Variants in DLGAP2 observed in about 807,000 individuals in gnomAD.
DLGAP2 encodes the protein DLG associated protein 2, also known as disks large-associated protein 2.
A neutral mutation model predicts 100.3 loss-of-function variants in DLGAP2; 26 were observed. That is an observed-to-expected ratio of 0.26 (90% CI 0.19 to 0.36). The LOEUF (loss-of-function observed/expected upper bound fraction) is 0.36. DLGAP2 is among the 10% of genes least tolerant of loss of function. The probability of loss-of-function intolerance (pLI) is 1.00; values close to 1 mark genes in which losing one functional copy is unlikely to be tolerated. For synonymous variants in DLGAP2, 886 were observed against 630.1 expected, an observed-to-expected ratio of 1.41 and a Z score of -6.08; for missense variants, 1,858 against 1,453.2, an observed-to-expected ratio of 1.28 and a Z score of -4.53.
intron 2 of DLGAP2, among the ~76,000 whole-genome samples, chr8:1,173,787 C>T (rs576747794): frequency 6.6e-6 from 1 of 152,154 alleles, no homozygotes; most frequent in Non-Finnish European, 1.5e-5. Flanking sequence ...CGTCTGTCAC[C>T]CCTTTCTTTG....
intron 2 of DLGAP2, among the ~76,000 whole-genome samples, chr8:1,176,099 T>A (rs529044275): frequency 6.6e-6 from 1 of 152,156 alleles, no homozygotes; most frequent in South Asian, 2.1e-4. Context: ...ACAAAAGAGG[T>A]TTAACTGACT....
intron 2 of DLGAP2, among the ~76,000 whole-genome samples, chr8:1,126,660 G>A (rs996937425): frequency 5.9e-5 from 9 of 152,162 alleles, no homozygotes; most frequent in Non-Finnish European, 1.0e-4. Context: ...CGCTGTGGGC[G>A]GTGCTCTGCT....
intron 3 of DLGAP2, among the ~76,000 whole-genome samples, chr8:1,315,291 G>C (rs1295297879): frequency 7.7e-6 from 1 of 129,268 alleles, no homozygotes; most frequent in Non-Finnish European, 1.7e-5. Context: ...AATAGAGCCT[G>C]TGCGAGTGCA....
intron 3 of DLGAP2, among the ~76,000 whole-genome samples, chr8:1,426,466 T>G (rs751950752): frequency 2.3e-4 from 35 of 152,058 alleles, no homozygotes; most frequent in Non-Finnish European, 4.6e-4. Context: ...TTAGCAGAAT[T>G]CCAGAAGAAA....
intron 3 of DLGAP2, among the ~76,000 whole-genome samples, chr8:1,263,600 C>T (rs28485332): frequency 0.24 from 35,997 of 152,128 alleles, 4,939 homozygotes; most frequent in African/African-American, 0.37. Context: ...ACAAGTGACT[C>T]GAAACAATGC....
At chr8:1,012,923 T>C (rs778114591) in intron 2 of DLGAP2, among the ~76,000 whole-genome samples, 8 of 152,120 alleles carry the variant, frequency 5.3e-5, no homozygotes, top group Non-Finnish European at 1.0e-4. Flanking sequence ...TGCATCTGTG[T>C]GTTCCTGTTT....
chr8:1,031,220 G>C lies in DLGAP2; in HGVS notation c.73+123254G>C, dbSNP rs559576615. ...AGTGTCCTTTATGGAAGAATCCCAGGGTGGCAAGAGAGGAGGGCTCCCGTT... is the reference window on the plus strand; with the variant it reads ...AGTGTCCTTTATGGAAGAATCCCAGCGTGGCAAGAGAGGAGGGCTCCCGTT... On this transcript the variant is annotated intron_variant, in intron 2 of 14. Coordinates refer to ENST00000637795, the MANE Select transcript of DLGAP2 (RefSeq NM_001346810.2). 2.0e-5 allele frequency among the ~76,000 whole-genome samples: 3 copies of C among 152,090 alleles called. No homozygotes were observed. In the East Asian group the frequency reaches 5.8e-4, roughly 30 times the overall value.
At chr8:878,401 C>A (rs201078010) in intron 1 of DLGAP2, among the ~76,000 whole-genome samples, 1 of 152,278 alleles carries the variant, frequency 6.6e-6, no homozygotes, top group East Asian at 1.9e-4. Context: ...ATGCTTTGCT[C>A]TTCCTTGTGA....
intron 3 of DLGAP2, among the ~76,000 whole-genome samples, chr8:1,336,449 C>T (rs1801275663): frequency 6.6e-6 from 1 of 152,232 alleles, no homozygotes. Flanking sequence ...AGTCTGGGCT[C>T]TTTCCCTCGT....
In DLGAP2 at chr8:1,091,867, C is replaced by T. The variant is rs116807666; in HGVS notation, c.74-166984C>T. 2.6e-3 allele frequency among the ~76,000 whole-genome samples: 399 copies of T among 151,842 alleles called. 1 individual carries two copies. The highest frequency in any genetic ancestry group is 9.3e-3 in the African/African-American group (383 of 41,372). On this transcript the variant is annotated intron_variant, in intron 2 of 14. Coordinates refer to ENST00000637795, the MANE Select transcript of DLGAP2 (RefSeq NM_001346810.2). Reference sequence around the variant, plus strand: ...CCTGCCTTCCCCCTTTTCCCTCTTTCGCTCGTTCTGCTTTTCCTCTTCTCT... The same window carrying T: ...CCTGCCTTCCCCCTTTTCCCTCTTTTGCTCGTTCTGCTTTTCCTCTTCTCT...
At chr8:1,145,741 C>T (rs1796594463) in intron 2 of DLGAP2, among the ~76,000 whole-genome samples, 1 of 148,178 alleles carries the variant, frequency 6.7e-6, no homozygotes. Flanking sequence ...TTAGGTATAT[C>T]TCCTAATGCT....
At chr8:1,268,720 A>T (rs1799520015) in intron 3 of DLGAP2, among the ~76,000 whole-genome samples, 1 of 152,234 alleles carries the variant, frequency 6.6e-6, no homozygotes, top group Non-Finnish European at 1.5e-5. Context: ...AAGCCACATT[A>T]TCTCAACTTA....
chr8:1,498,382 A>T (rs868785828), intron 3 of DLGAP2, among the ~76,000 whole-genome samples: 3,294 of 146,496 alleles, frequency 0.022, 109 homozygotes, highest in African/African-American at 0.077. Flanking sequence ...AAATAAATAA[A>T]AAAAAAAAAA....
At chr8:1,341,344 C>G (rs761432885) in intron 3 of DLGAP2, among the ~76,000 whole-genome samples, 1 of 152,192 alleles carries the variant, frequency 6.6e-6, no homozygotes, top group Admixed American at 6.5e-5. Context: ...GACGTGCAGT[C>G]CTTTTGGCAT....
intron 1 of DLGAP2, among the ~76,000 whole-genome samples, chr8:811,805 T>C (rs1427630468): frequency 1.3e-5 from 2 of 152,264 alleles, no homozygotes; most frequent in African/African-American, 2.4e-5. Flanking sequence ...GAAGCTCCCA[T>C]CAAAGGATAT....
intron 2 of DLGAP2, among the ~76,000 whole-genome samples, chr8:1,118,340 C>T (rs1175648843): frequency 6.6e-6 from 1 of 152,160 alleles, no homozygotes; most frequent in Non-Finnish European, 1.5e-5. Flanking sequence ...GAGAAACTTT[C>T]GAAACTGCAT....
chr8:1,668,367 G>C lies in DLGAP2; in HGVS notation c.1849G>C (p.Val617Leu). The C allele has an allele frequency of 6.4e-7, 1 of 1,558,324 alleles. No individual in the cohort carries two copies. Among genetic ancestry groups the C allele is most frequent in the African/African-American group, 1.4e-5 (1 of 72,444 alleles). ...AAATTACAAGAAAACGCCCCCACCG[G>C]TGCCCCCTCGGACCACCTCCAAGCC... ...YTNYKKTPPP[V>L]PPRTTSKPLI... is the part of the protein sequence containing the mutation. The change falls in exon 9 of 15, where the codon GTG (valine) becomes CTG (leucine). Residue 617 changes from valine (V) to leucine (L), a missense_variant. Physicochemically the swap from Val to Leu is conservative, Grantham distance 32. Transcript: ENST00000637795.
At chr8:1,172,520 C>G (rs1032849670) in intron 2 of DLGAP2, among the ~76,000 whole-genome samples, 4 of 152,218 alleles carry the variant, frequency 2.6e-5, no homozygotes, top group Non-Finnish European at 4.4e-5. Flanking sequence ...TTCAGGTGCA[C>G]CAATCAGACG....
intron 3 of DLGAP2, among the ~76,000 whole-genome samples, chr8:1,337,054 A>G (rs944119277): frequency 6.6e-6 from 1 of 152,198 alleles, no homozygotes; most frequent in African/African-American, 2.4e-5. Flanking sequence ...GTAACCAGTA[A>G]TGACAGTGTG....
Sources: gnomAD v4.1 joint callset for allele counts (sites outside exome capture counted in the v4.1 genomes callset) on GRCh38, gnomAD v4.1.1 for gene constraint, MANE v1.5 for transcripts, NCBI Gene and HGNC (gene_info 2026-07-23, HGNC 2026-07-21) for gene names.